The following KALRN variants were observed in gnomAD, a reference collection of about 807,000 sequenced individuals.
KALRN encodes kalirin RhoGEF kinase.
KALRN carries 70 observed loss-of-function variants against 353.7 expected under a neutral mutation model. The ratio of observed to expected loss-of-function variants is 0.20; its 90% CI spans 0.16 to 0.24. KALRN has a LOEUF of 0.24. Among genes scored for constraint, KALRN ranks in the 10% least tolerant of loss-of-function variants. The pLI is 1.00. For missense variants in KALRN, 2,791 were observed against 3,756.7 expected (o/e 0.74, Z 6.72); for synonymous variants, 1,391 against 1,434.8 (o/e 0.97, Z 0.69).
chr3:124,359,534 G>T (rs997605), intron 10 of KALRN, among the ~76,000 whole-genome samples: 90,802 of 152,066 alleles, frequency 0.6, 27,452 homozygotes, highest in East Asian at 0.89. Context: ...ATATGATATA[G>T]TGAAGAAAAG....
At chr3:124,472,726 T>A (rs923427418) in intron 25 of KALRN, among the ~76,000 whole-genome samples, 4 of 152,168 alleles carry the variant, frequency 2.6e-5, no homozygotes, top group Non-Finnish European at 4.4e-5. Flanking sequence ...TATATAGCAC[T>A]TTTTAAAATT....
At chr3:124,446,734 G>T (rs2093853238) in intron 20 of KALRN, 29 bp from the exon 21 acceptor site, 1 of 1,612,126 alleles carries the variant, frequency 6.2e-7, no homozygotes, top group African/African-American at 1.3e-5. Context: ...TGCCTTTTTG[G>T]GGACTGGATG....
At chr3:124,562,793 C>T (rs550184649) in intron 33 of KALRN, 50 bp from the exon 34 acceptor site, 12 of 1,277,432 alleles carry the variant, frequency 9.4e-6, no homozygotes, top group Middle Eastern at 2.2e-4. Context: ...ATTTCTCCCC[C>T]CTTCCTCCAT....
intron 3 of KALRN, among the ~76,000 whole-genome samples, chr3:124,251,386 T>TTG (rs2071146825): frequency 6.6e-6 from 1 of 151,494 alleles, no homozygotes; most frequent in Admixed American, 6.6e-5. Flanking sequence ...TTTCTTTTTT[T>TTG]TTGAGACAGG....
chr3:124,326,796 G>C (rs2079961525), intron 7 of KALRN, among the ~76,000 whole-genome samples: 1 of 152,078 alleles, frequency 6.6e-6, no homozygotes, highest in African/African-American at 2.4e-5. Context: ...TAAATTTTTA[G>C]GAATTTTGAG....
chr3:124,581,813 G>A (rs985429057), intron 34 of KALRN, among the ~76,000 whole-genome samples: 1 of 152,154 alleles, frequency 6.6e-6, no homozygotes, highest in Non-Finnish European at 1.5e-5. Context: ...GTCTGGGCTT[G>A]CAAGAAAAAC....
At chr3:124,272,365 A>G (rs2074257265) in intron 5 of KALRN, among the ~76,000 whole-genome samples, 1 of 152,228 alleles carries the variant, frequency 6.6e-6, no homozygotes, top group African/African-American at 2.4e-5. Flanking sequence ...AGAGACACAC[A>G]CTAATGCAGT....
At chr3:124,041,723 G>A (rs538084211) in intron 1 of KALRN, among the ~76,000 whole-genome samples, 2 of 152,312 alleles carry the variant, frequency 1.3e-5, no homozygotes, top group East Asian at 1.9e-4. Flanking sequence ...TGGATGCAGA[G>A]GAAAGTTCAG....
intron 1 of KALRN, among the ~76,000 whole-genome samples, chr3:124,202,891 C>T (rs1273890020): frequency 1.3e-5 from 2 of 152,202 alleles, no homozygotes; most frequent in African/African-American, 2.4e-5. Context: ...TATCCTGCTG[C>T]CCTTCTGGCT....
chr3:124,458,061 A>G (rs1319603772), intron 23 of KALRN, among the ~76,000 whole-genome samples: 1 of 152,078 alleles, frequency 6.6e-6, no homozygotes, highest in Non-Finnish European at 1.5e-5. Context: ...GGATTACCTG[A>G]GGTCAGGAGT....
At chr3:124,421,988 GTGGT>G (rs2092803309) in intron 14 of KALRN, among the ~76,000 whole-genome samples, 1 of 152,162 alleles carries the variant, frequency 6.6e-6, no homozygotes, top group African/African-American at 2.4e-5. Flanking sequence ...TTAATGTTGG[GTGGT>G]TTATACATAA....
chr3:124,227,895 G>A (rs1010347469), intron 1 of KALRN, 95 bp from the exon 2 acceptor site: 18 of 987,342 alleles, frequency 1.8e-5, no homozygotes, highest in Middle Eastern at 2.3e-4. Flanking sequence ...AGGACTTGCC[G>A]GCTGATGATG....
chr3:124,257,790 C>T (rs566117324), intron 3 of KALRN, among the ~76,000 whole-genome samples: 1 of 152,318 alleles, frequency 6.6e-6, no homozygotes, highest in African/African-American at 2.4e-5. Flanking sequence ...GGGTCACCCA[C>T]TGTTCTTTCC....
intron 38 of KALRN, among the ~76,000 whole-genome samples, chr3:124,653,784 A>G (rs1227831430): frequency 6.6e-6 from 1 of 152,234 alleles, no homozygotes; most frequent in Non-Finnish European, 1.5e-5. Context: ...ATTTGTTTGT[A>G]AATAACTTCT....
intron 23 of KALRN, 129 bp from the exon 24 acceptor site, chr3:124,461,761 A>G: frequency 1.5e-6 from 1 of 662,672 alleles, no homozygotes. Flanking sequence ...AGAAAGGAAA[A>G]GACCTGTTGA....
intron 34 of KALRN, among the ~76,000 whole-genome samples, chr3:124,593,663 T>C (rs1475682558): frequency 6.6e-6 from 1 of 152,186 alleles, no homozygotes; most frequent in East Asian, 1.9e-4. Flanking sequence ...CCCTGGGGAA[T>C]TCTTGGTTTG....
intron 6 of KALRN, among the ~76,000 whole-genome samples, chr3:124,302,535 A>C (rs1027795279): frequency 6.6e-6 from 1 of 152,248 alleles, no homozygotes; most frequent in Non-Finnish European, 1.5e-5. Flanking sequence ...TTGTCAATGA[A>C]AATAATCAAC....
At chr3:124,114,183 C>T (rs1326438921) in intron 1 of KALRN, among the ~76,000 whole-genome samples, 1 of 152,146 alleles carries the variant, frequency 6.6e-6, no homozygotes, top group Non-Finnish European at 1.5e-5. Flanking sequence ...TCAAAGTGGC[C>T]ATTATCGGCA....
chr3:124,677,006 A>G (rs1003351040), intron 49 of KALRN, among the ~76,000 whole-genome samples: 1 of 152,166 alleles, frequency 6.6e-6, no homozygotes, highest in Non-Finnish European at 1.5e-5. Flanking sequence ...GTGTTAGCGG[A>G]TAAATATTTT....
Sources: allele counts gnomAD v4.1 joint callset (sites outside exome capture counted in the v4.1 genomes callset), GRCh38; gene constraint gnomAD v4.1.1; transcripts MANE v1.5; gene names NCBI Gene and HGNC (gene_info 2026-07-23, HGNC 2026-07-21).